The following MTUS1 variants were observed in gnomAD, a reference collection of about 807,000 sequenced individuals.
MTUS1 encodes microtubule-associated tumor suppressor 1.
In MTUS1, 109 loss-of-function variants were observed where a neutral mutation model predicts 120.8. The ratio of observed to expected loss-of-function variants is 0.90; its 90% CI spans 0.77 to 1.06. The LOEUF is 1.06. Among genes scored for constraint, MTUS1 ranks in the 50% least tolerant of loss-of-function variants. The pLI, the probability that MTUS1 is intolerant of heterozygous loss-of-function variation, is 0.00. For missense variants in MTUS1, 2,210 were observed against 1,486.3 expected (o/e 1.49, Z -8.01); for synonymous variants, 737 against 550.5 (o/e 1.34, Z -4.74).
At chr8:17,685,629 A>T (rs1336299798) in intron 6 of MTUS1, among the ~76,000 whole-genome samples, 1 of 152,214 alleles carries the variant, frequency 6.6e-6, no homozygotes, top group East Asian at 1.9e-4. Flanking sequence ...TTGCTTAAAG[A>T]AACATCAGTA....
At chr8:17,796,572 G>A (rs1364495077) in intron 1 of MTUS1, among the ~76,000 whole-genome samples, 2 of 152,090 alleles carry the variant, frequency 1.3e-5, no homozygotes, top group Admixed American at 6.5e-5. Flanking sequence ...GTATGAAAAG[G>A]AAGTTTTATC....
At chr8:17,659,099 C>A (rs938096916) in intron 8 of MTUS1, among the ~76,000 whole-genome samples, 5 of 152,186 alleles carry the variant, frequency 3.3e-5, no homozygotes, top group African/African-American at 9.7e-5. Flanking sequence ...GAGGCTAAAT[C>A]ATCTGCCCAG....
At chr8:17,746,646 C>A (rs1213168088) in intron 2 of MTUS1, among the ~76,000 whole-genome samples, 1 of 152,128 alleles carries the variant, frequency 6.6e-6, no homozygotes, top group East Asian at 1.9e-4. Flanking sequence ...GTCCCTCCCA[C>A]AATATGTGGG....
In MTUS1 at chr8:17,684,339, G is replaced by C; in HGVS notation, c.2827C>G (p.Leu943Val). 6.2e-7 allele frequency: 1 copy of C among 1,613,892 alleles called. No individual in the cohort carries two copies. Among genetic ancestry groups the C allele is most frequent in the Non-Finnish European group, 8.5e-7 (1 of 1,179,768 alleles). Residue 943 changes from leucine to valine, a missense_variant, in exon 7 of 15, where the codon CTG becomes GTG. Transcript: ENST00000693296. ...FEALTVVIQH[L>V]LSEREEALKQ... ...ATGCACCTCCTTACCTCAGACAGCA[G>C]GTGCTGAATCACAACTGTCAATGCC...
intron 3 of MTUS1, among the ~76,000 whole-genome samples, chr8:17,735,309 G>A (rs1308315980): frequency 2.6e-5 from 4 of 152,098 alleles, no homozygotes; most frequent in Non-Finnish European, 4.4e-5. Flanking sequence ...CTCTGAAGGC[G>A]GCGGTTGGGG....
chr8:17,794,268 C>T (rs983328468), intron 1 of MTUS1, among the ~76,000 whole-genome samples: 3 of 151,824 alleles, frequency 2.0e-5, no homozygotes, highest in Non-Finnish European at 4.4e-5. Context: ...GCGGACACTG[C>T]AGTGAGCCAA....
chr8:17,699,832 T>C (rs879908063), intron 6 of MTUS1, among the ~76,000 whole-genome samples: 1 of 152,176 alleles, frequency 6.6e-6, no homozygotes, highest in Admixed American at 6.5e-5. Context: ...CTCCAAGCAC[T>C]CTCTTACACA....
intron 6 of MTUS1, among the ~76,000 whole-genome samples, chr8:17,703,239 T>G (rs1819463002): frequency 6.6e-6 from 1 of 152,210 alleles, no homozygotes; most frequent in African/African-American, 2.4e-5. Context: ...CGTTAAATTC[T>G]TTTCCTAGCA....
At chr8:17,707,641 C>G (rs1820437444) in intron 6 of MTUS1, among the ~76,000 whole-genome samples, 1 of 152,160 alleles carries the variant, frequency 6.6e-6, no homozygotes, top group African/African-American at 2.4e-5. Flanking sequence ...GATTGACAAG[C>G]TGATCCTAAA....
At chr8:17,784,947 G>C (rs981985593) in intron 1 of MTUS1, among the ~76,000 whole-genome samples, 7 of 151,818 alleles carry the variant, frequency 4.6e-5, no homozygotes, top group Non-Finnish European at 1.0e-4. Context: ...ACCATGTCCG[G>C]CTAATTTTTG....
At chr8:17,736,026 T>G (rs1402367024) in intron 3 of MTUS1, among the ~76,000 whole-genome samples, 1 of 152,178 alleles carries the variant, frequency 6.6e-6, no homozygotes, top group African/African-American at 2.4e-5. Flanking sequence ...GTAAGCTCCT[T>G]AAGAGGGCAT....
intron 1 of MTUS1, among the ~76,000 whole-genome samples, chr8:17,799,752 T>C (rs763296806): frequency 1.3e-4 from 20 of 152,160 alleles, no homozygotes; most frequent in Non-Finnish European, 2.5e-4. Context: ...TACCAAGAAT[T>C]ATTTTCTCTT....
At chr8:17,689,567 A>T (rs28722179) in intron 6 of MTUS1, among the ~76,000 whole-genome samples, 1,772 of 152,298 alleles carry the variant, frequency 0.012, 37 homozygotes, top group African/African-American at 0.041. Flanking sequence ...TATGTACCTA[A>T]AATGGACTCC....
chr8:17,795,596 G>T (rs2052159061), intron 1 of MTUS1, among the ~76,000 whole-genome samples: 1 of 151,178 alleles, frequency 6.6e-6, no homozygotes, highest in South Asian at 2.1e-4. Context: ...TAAAATGTGT[G>T]TTTTTCTTAC....
chr8:17,653,336 G>A (rs1384659766), intron 11 of MTUS1, 55 bp from the exon 12 acceptor site: 3 of 1,485,098 alleles, frequency 2.0e-6, no homozygotes, highest in African/African-American at 2.9e-5. Flanking sequence ...CAGAAACTCA[G>A]CATACGTACA....
At chr8:17,670,687 G>T (rs921741521) in intron 8 of MTUS1, among the ~76,000 whole-genome samples, 28 of 152,068 alleles carry the variant, frequency 1.8e-4, no homozygotes, top group African/African-American at 6.8e-4. Context: ...GCCCAGCATG[G>T]TGGTATGCAC....
rs143315574 is a variant in MTUS1, at chr8:17,774,019, G to C, written c.-154-18058C>G. 3.5e-4 allele frequency among the ~76,000 whole-genome samples: 53 copies of C among 152,164 alleles called. No individual in the cohort carries two copies. In the East Asian group the frequency reaches 0.01, roughly 29 times the overall value. ...CCTCACATCTACATTCTCTCCTTTAGCTCCCTCACCTCATTATATGACCTT... is the reference window on the plus strand; with the variant it reads ...CCTCACATCTACATTCTCTCCTTTACCTCCCTCACCTCATTATATGACCTT... On this transcript the variant is annotated intron_variant, in intron 1 of 14. Transcript: ENST00000693296.
At chr8:17,675,110 C>G in intron 8 of MTUS1, 76 bp downstream of exon 8, 1 of 1,601,612 alleles carries the variant, frequency 6.2e-7, no homozygotes, top group Non-Finnish European at 8.5e-7. Flanking sequence ...CCAGCCACAA[C>G]GCAGACAGGA....
intron 7 of MTUS1, chr8:17,676,506 C>A: frequency 1.7e-6 from 1 of 594,888 alleles, no homozygotes. Flanking sequence ...TCGGATTCCT[C>A]ACTCACAGAA....
Sources: gnomAD v4.1 joint callset for allele counts (sites outside exome capture counted in the v4.1 genomes callset) on GRCh38, gnomAD v4.1.1 for gene constraint, MANE v1.5 for transcripts, NCBI Gene and HGNC (gene_info 2026-07-23, HGNC 2026-07-21) for gene names.